S1PR5: variants seen among roughly 807,000 people sequenced by gnomAD.
The protein encoded by S1PR5 is sphingosine 1-phosphate receptor 5.
For missense variants in S1PR5, 583 were observed against 571.7 expected (o/e 1.02, Z -0.20); for synonymous variants, 307 against 284.7 (o/e 1.08, Z -0.79).
chr19:10,517,623 T>C (rs1054577296), upstream of S1PR5: 27 of 984,952 alleles, frequency 2.7e-5, no homozygotes, highest in African/African-American at 1.1e-4. Context: ...CGGCGGCGAC[T>C]GGCACAGGCG....
chr19:10,514,442 G>A lies in S1PR5; in HGVS notation c.570C>T (p.Ala190=). ...DACSTVLPLY[A]KAYVLFCVLA... ...GCACGCAGAAGAGCACGTAGGCCTTGGCGTAGAGCGGCAAGACAGTGGAGC... is the reference window on the plus strand; with the variant it reads ...GCACGCAGAAGAGCACGTAGGCCTTAGCGTAGAGCGGCAAGACAGTGGAGC... The change falls in exon 2 of 2, where the codon GCC becomes GCT. Residue 190 remains alanine, a synonymous_variant. Coordinates refer to ENST00000333430, the MANE Select transcript of S1PR5 (RefSeq NM_030760.5). The A allele has an allele frequency of 6.2e-7, 1 of 1,609,618 alleles. No homozygotes were observed. Among genetic ancestry groups the A allele is most frequent in the Non-Finnish European group, 8.5e-7 (1 of 1,178,470 alleles).
At chr19:10,515,623 C>G (rs1915421023) in intron 1 of S1PR5, among the ~76,000 whole-genome samples, 1 of 151,732 alleles carries the variant, frequency 6.6e-6, no homozygotes, top group African/African-American at 2.4e-5. Context: ...AAAACACCCC[C>G]CCTCCCCACC....
intron 1 of S1PR5, among the ~76,000 whole-genome samples, chr19:10,515,237 C>CA (rs1198805278): frequency 7.9e-5 from 12 of 151,920 alleles, no homozygotes; most frequent in East Asian, 3.9e-4. Flanking sequence ...GACATAGTCC[C>CA]AAAAAAAGGG....
rs1915337089 is a variant in S1PR5, at chr19:10,513,580, T to C, written c.*235A>G. On this transcript the variant is annotated 3_prime_UTR_variant, in exon 2 of 2. Coordinates refer to ENST00000333430, the MANE Select transcript of S1PR5 (RefSeq NM_030760.5). ...CATCACCATCTCTGTCGTTTGTCAC[T>C]GGAATCATCTCCATTATTTCATCAC... 1.3e-5 allele frequency: 8 copies of C among 610,290 alleles called. No homozygotes were observed. Among genetic ancestry groups the C allele is most frequent in the Non-Finnish European group, 2.2e-5 (8 of 357,278 alleles). The allele number at this position is 610,290 out of a possible 1,614,324, so 37.8% of individuals were successfully genotyped here.
At position 10,514,028 on chromosome 19, in the gene S1PR5, G is replaced by C. The variant is rs560119222; in HGVS notation, c.984C>G (p.Cys328Trp). The C allele has an allele frequency of 1.2e-6, 2 of 1,610,504 alleles. No homozygotes were observed. The highest frequency in any genetic ancestry group is 8.5e-7 in the Non-Finnish European group (1 of 1,179,338). Reference protein sequence around the residue: ...LRLVCCGRHSCGRDPSGSQQS... With the variant: ...LRLVCCGRHSWGRDPSGSQQS... The stretch of plus-strand genomic sequence containing the variant: ...GCTGGGAGCCACTCGGGTCTCTGCC[G>C]CAGGAGTGGCGTCCGCAGCAGACCA... Residue 328 changes from cysteine to tryptophan, a missense_variant, in exon 2 of 2, where the codon TGC (cysteine) becomes TGG (tryptophan). By Grantham distance (215) the Cys-to-Trp change is radical. Coordinates refer to ENST00000333430, the MANE Select transcript of S1PR5 (RefSeq NM_030760.5).
At chr19:10,517,029 T>A (rs1354689319) in intron 1 of S1PR5, 1 of 152,290 alleles carries the variant, frequency 6.6e-6, no homozygotes, top group Non-Finnish European at 1.5e-5. Flanking sequence ...AGACAGGAAG[T>A]CGCTGGCTCA....
Position 10,515,026 on chromosome 19 carries a change from A to C in S1PR5, c.-15T>G. ...CCCGACTCCATGGGCCGCGCGCCCCAAGGCTGTTGGAGAGGCAAGATACGG... is the reference window on the plus strand; with the variant it reads ...CCCGACTCCATGGGCCGCGCGCCCCCAGGCTGTTGGAGAGGCAAGATACGG... On this transcript the variant is annotated 5_prime_UTR_variant, in exon 2 of 2. Transcript: ENST00000333430. 6.5e-7 allele frequency: 1 copy of C among 1,536,084 alleles called. No individual in the cohort carries two copies. The highest frequency in any genetic ancestry group is 8.7e-7 in the Non-Finnish European group (1 of 1,148,558).
In S1PR5 at chr19:10,515,014, G is replaced by A; in HGVS notation, c.-3C>T. 1 of 1,549,638 alleles carries A rather than the reference G, an allele frequency of 6.5e-7. No homozygotes were observed. The highest frequency in any genetic ancestry group is 8.7e-7 in the Non-Finnish European group (1 of 1,154,302). On this transcript the variant is annotated 5_prime_UTR_variant, in exon 2 of 2. Coordinates refer to ENST00000333430, the MANE Select transcript of S1PR5 (RefSeq NM_030760.5). ...GGCCGCAGCAGCCCCGACTCCATGG[G>A]CCGCGCGCCCCAAGGCTGTTGGAGA...
At chr19:10,517,768 A>T (rs1915472680), upstream of S1PR5, 2 of 910,842 alleles carry the variant, frequency 2.2e-6, no homozygotes, top group Non-Finnish European at 2.6e-6. Flanking sequence ...TCCCCAGCGG[A>T]GGGGTCTCCT....
At chr19:10,517,241 C>T in intron 1 of S1PR5, 157 bp downstream of exon 1, 2 of 414,180 alleles carry the variant, frequency 4.8e-6, no homozygotes, top group Non-Finnish European at 6.5e-6. Flanking sequence ...CTGGGGAGCC[C>T]CCAGCTTCCC....
chr19:10,517,774 C>T (rs993585498), upstream of S1PR5: 22 of 872,866 alleles, frequency 2.5e-5, no homozygotes, highest in African/African-American at 4.0e-4. Context: ...GCGGAGGGGT[C>T]TCCTCTGTCC....
chr19:10,514,781 G>T lies in S1PR5; in HGVS notation c.231C>A (p.Ser77Arg), dbSNP rs774846403. 2.5e-6 allele frequency: 4 copies of T among 1,613,132 alleles called. No homozygotes were observed. The South Asian group carries it at 4.4e-5, about 18-fold the overall frequency. ...FHAPMFLLLG[S>R]LTLSDLLAGA... ...CTGCCAGCAGATCCGACAACGTGAG[G>T]CTGCCCAGGAGCAGGAACATGGGAG... is the stretch of plus-strand genomic sequence containing the variant. Residue 77 changes from serine to arginine, a missense_variant, in exon 2 of 2, where the codon AGC becomes AGA. Transcript: ENST00000333430.
intron 1 of S1PR5, among the ~76,000 whole-genome samples, chr19:10,516,583 G>A (rs992848566): frequency 1.4e-5 from 2 of 145,680 alleles, no homozygotes; most frequent in African/African-American, 5.1e-5. Flanking sequence ...CTCCAGCCTG[G>A]GTGACAAGAG....
rs754094327 is a variant in S1PR5, at chr19:10,514,650, G to T, written c.362C>A (p.Ala121Glu). The change falls in exon 2 of 2, where the codon GCG (alanine) becomes GAG (glutamate). Residue 121 changes from alanine to glutamate, a missense_variant. By Grantham distance (107) the Ala-to-Glu change is moderately radical. Coordinates refer to ENST00000333430, the MANE Select transcript of S1PR5 (RefSeq NM_030760.5). ...GATGGCCAGGAGGCTCAGCACGGAC[G>T]CAGTGAGTGCCACGAAGACGCCTCC... The part of the protein sequence containing the change: ...REGGVFVALT[A>E]SVLSLLAIAL... 3 of 1,603,652 alleles carry T rather than the reference G, an allele frequency of 1.9e-6. No homozygotes were observed. The highest frequency in any genetic ancestry group is 1.7e-5 in the Admixed American group (1 of 58,808).
chr19:10,516,062 A>C (rs1915430945), intron 1 of S1PR5, among the ~76,000 whole-genome samples: 1 of 152,150 alleles, frequency 6.6e-6, no homozygotes. Context: ...GGCAAAACAC[A>C]CAGTCACACA....
At chr19:10,515,151 A>G in intron 1 of S1PR5, 122 bp from the exon 2 acceptor site, 3 of 1,307,550 alleles carry the variant, frequency 2.3e-6, no homozygotes, top group Non-Finnish European at 3.1e-6. Context: ...ATGGTGTCCA[A>G]GGGGGAGTTC....
chr19:10,517,442 C>T lies in S1PR5; in HGVS notation c.-63G>A. 1.0e-6 allele frequency: 1 copy of T among 985,672 alleles called. No individual in the cohort carries two copies. The highest frequency in any genetic ancestry group is 1.7e-5 in the African/African-American group (1 of 57,374). 61.1% of individuals were successfully genotyped at this position (985,672 alleles called of 1,614,324 possible). A position where few individuals can be genotyped will look rare whatever the true frequency, so the allele number is the denominator to read the frequency against. On this transcript the variant is annotated 5_prime_UTR_variant, in exon 1 of 2. Transcript: ENST00000333430. ...CCACCCGCAGTCGCGCTGCCTTGAACCGAGTGAGCGGACGCCGCTCCGGGG... is the reference window on the plus strand; with the variant it reads ...CCACCCGCAGTCGCGCTGCCTTGAATCGAGTGAGCGGACGCCGCTCCGGGG...
At chr19:10,515,588 A>C (rs969646481) in intron 1 of S1PR5, among the ~76,000 whole-genome samples, 3 of 151,958 alleles carry the variant, frequency 2.0e-5, no homozygotes, top group Non-Finnish European at 2.9e-5. Flanking sequence ...ACTCCAACCT[A>C]GGTGGCAGAG....
chr19:10,515,130 A>ACC (rs1221469652), intron 1 of S1PR5, 101 bp from the exon 2 acceptor site: 30 of 1,440,756 alleles, frequency 2.1e-5, no homozygotes, highest in Non-Finnish European at 2.6e-5. Flanking sequence ...ACTGACCATC[A>ACC]CCCCCTATAC....
Sources: allele counts gnomAD v4.1 joint callset (sites outside exome capture counted in the v4.1 genomes callset), GRCh38; gene constraint gnomAD v4.1.1; transcripts MANE v1.5; gene names NCBI Gene and HGNC (gene_info 2026-07-23, HGNC 2026-07-21).